The following HAPLN4 variants were observed in gnomAD, a reference collection of about 807,000 sequenced individuals.
HAPLN4 encodes brain link protein 2.
In HAPLN4, 19 loss-of-function variants were observed where a neutral mutation model predicts 28.0. The observed-to-expected ratio is 0.68, with a 90% CI of 0.47 to 1.00. The LOEUF is 1.00. Among genes scored for constraint, HAPLN4 ranks in the 50% least tolerant of loss-of-function variants. The probability of loss-of-function intolerance (pLI) is 0.00; values close to 1 mark genes in which losing one functional copy is unlikely to be tolerated. For missense variants in HAPLN4, 587 were observed against 602.6 expected (o/e 0.97, Z 0.27); for synonymous variants, 274 against 273.0 (o/e 1.00, Z -0.03).
At position 19,256,633 on chromosome 19, in the gene HAPLN4, G is replaced by C. The variant is rs1342471049; in HGVS notation, c.*1184C>G. 3.3e-5 allele frequency: 5 copies of C among 152,652 alleles called. No individual in the cohort carries two copies. The highest frequency in any genetic ancestry group is 9.7e-5 in the African/African-American group (4 of 41,422). The allele number at this position is 152,652 out of a possible 1,614,324, so 9.5% of individuals were successfully genotyped here. ...GGAGCATGGAGGGTGGTCTGGAACT[G>C]GAGTGGGCCTGGGGACAGGGACAGT... is the stretch of plus-strand genomic sequence containing the variant. On this transcript the variant is annotated 3_prime_UTR_variant, in exon 5 of 5. Transcript: ENST00000291481.
chr19:19,257,757 AG>A lies in HAPLN4; in HGVS notation c.*59del. 7.3e-7 allele frequency: 1 copy of A among 1,370,264 alleles called. No homozygotes were observed. The highest frequency in any genetic ancestry group is 9.4e-7 in the Non-Finnish European group (1 of 1,067,466). 84.9% of individuals were successfully genotyped at this position (1,370,264 alleles called of 1,614,324 possible). A position where few individuals can be genotyped will look rare whatever the true frequency, so the allele number is the denominator to read the frequency against. On this transcript the variant is annotated 3_prime_UTR_variant, in exon 5 of 5. Transcript: ENST00000291481. ...GGCTTCAAGGGCGTGGCCAGGCTCC[AG>A]GGGACCACAGGGCTCTAGACCAGTG...
chr19:19,262,668 G>T, intron 1 of HAPLN4, 62 bp downstream of exon 1: 3 of 1,570,584 alleles, frequency 1.9e-6, no homozygotes, highest in African/African-American at 1.3e-5. Context: ...GAGGCAGAGA[G>T]ATATAGAATC....
Position 19,261,130 on chromosome 19 carries a change from A to C in HAPLN4, c.167T>G (p.Val56Gly). 1 of 1,609,970 alleles carries C rather than the reference A, an allele frequency of 6.2e-7. No homozygotes were observed. Among genetic ancestry groups the C allele is most frequent in the Non-Finnish European group, 8.5e-7 (1 of 1,178,176 alleles). Residue 56 changes from valine to glycine, a missense_variant, in exon 3 of 5, where the codon GTG becomes GGG. By Grantham distance (109) the Val-to-Gly change is moderately radical. Transcript: ENST00000291481. ...GATGGTGCCACCACGGTGGCTTACC[A>C]CCTGCCCAGGCGCTGTCTGTACCAC... ...SVVVQTAPGQVVSHRGGTIVL... is the reference protein window; with the variant it reads ...SVVVQTAPGQGVSHRGGTIVL...
chr19:19,261,542 C>T lies in HAPLN4; in HGVS notation c.25G>A (p.Gly9Ser). The change falls in exon 2 of 5, where the codon GGT becomes AGT. Residue 9 changes from glycine (G) to serine (S), a missense_variant. By Grantham distance (56) the Gly-to-Ser change is moderately conservative (BLOSUM62 0). Transcript: ENST00000291481. MVCARAAL[G>S]PGALWAAAWG... The stretch of plus-strand genomic sequence containing the variant: ...GCCGCGGCCCAGAGCGCGCCGGGAC[C>T]GAGGGCCGCCCGAGCGCACACCTGG... The T allele has an allele frequency of 6.4e-7, 1 of 1,571,642 alleles. No homozygotes were observed. The highest frequency in any genetic ancestry group is 8.6e-7 in the Non-Finnish European group (1 of 1,161,002).
Position 19,261,270 on chromosome 19 carries a change from C to T in HAPLN4, c.122-95G>A, listed in dbSNP as rs534941011. On this transcript the variant is annotated intron_variant, in intron 2 of 4. Transcript: ENST00000291481. ...CTGGGGAGGGGAACGTGGGAAGACT[C>T]GGGTGGGGGTCGGGGAATCAGAAGG... 40 of 1,230,430 alleles carry T rather than the reference C, an allele frequency of 3.3e-5. No homozygotes were observed. The South Asian group carries it at 3.3e-4, about 10-fold the overall frequency. 76.2% of individuals were successfully genotyped at this position (1,230,430 alleles called of 1,614,324 possible).
chr19:19,257,761 G>T lies in HAPLN4; in HGVS notation c.*56C>A. The T allele has an allele frequency of 7.3e-7, 1 of 1,372,388 alleles. No individual in the cohort carries two copies. The highest frequency in any genetic ancestry group is 1.9e-5 in the South Asian group (1 of 51,782). 85.0% of individuals were successfully genotyped at this position (1,372,388 alleles called of 1,614,324 possible). A position where few individuals can be genotyped will look rare whatever the true frequency, so the allele number is the denominator to read the frequency against. On this transcript the variant is annotated 3_prime_UTR_variant, in exon 5 of 5. Transcript: ENST00000291481. ...TCAAGGGCGTGGCCAGGCTCCAGGG[G>T]ACCACAGGGCTCTAGACCAGTGGTC...
Position 19,258,042 on chromosome 19 carries a change from C to T in HAPLN4, c.984G>A (p.Ala328=). The T allele has an allele frequency of 6.5e-7, 1 of 1,546,662 alleles. No homozygotes were observed. Among genetic ancestry groups the T allele is most frequent in the South Asian group, 1.2e-5 (1 of 85,294 alleles). ...CTCGCGGGTTCACGATGGGGTAGCGCGCACTGCCATCGGCCAGCCAACCCG... is the reference window on the plus strand; with the variant it reads ...CTCGCGGGTTCACGATGGGGTAGCGTGCACTGCCATCGGCCAGCCAACCCG... ...CTAGWLADGS[A]RYPIVNPRAR... Residue 328 remains alanine (A), a synonymous_variant, in exon 5 of 5, where the codon GCG becomes GCA. Coordinates refer to ENST00000291481, the MANE Select transcript of HAPLN4 (RefSeq NM_023002.3). This position sits in a 1 kb window ranked among gnomAD's most constrained non-coding sequence, Gnocchi z 6.2.
chr19:19,258,658 C>A lies in HAPLN4; in HGVS notation c.682G>T (p.Glu228Ter). The A allele has an allele frequency of 6.2e-7, 1 of 1,610,672 alleles. No individual in the cohort carries two copies. The highest frequency in any genetic ancestry group is 8.5e-7 in the Non-Finnish European group (1 of 1,178,594). ...GTCCCCCCCAGGCCGCCGCAGGGCT[C>A]CCGGGGCCGGTTCACGGGGTATTGC... is the stretch of plus-strand genomic sequence containing the variant. ...SVQYPVNRPR[E>*]PCGGLGGTGS... The change falls in exon 4 of 5, where the codon GAG (glutamate) becomes TAG (stop). Residue 228 changes from glutamate (E) to a stop codon, truncating the protein, a stop_gained. Transcript: ENST00000291481. LOFTEE classifies it high-confidence loss of function. This position sits in a 1 kb window ranked among gnomAD's most constrained non-coding sequence, Gnocchi z 6.2.
At chr19:19,262,643 A>T (rs952674749) in intron 1 of HAPLN4, 87 bp downstream of exon 1, 19 of 1,437,808 alleles carry the variant, frequency 1.3e-5, no homozygotes, top group Non-Finnish European at 1.8e-5. Context: ...AGAAACTCAG[A>T]GGGATATAGA....
In HAPLN4 at chr19:19,262,772, C is replaced by A. The variant is rs1479039881; in HGVS notation, c.-40G>T. The stretch of plus-strand genomic sequence containing the variant: ...CCCCGCCGAGCGGCCCCTACGCACC[C>A]GGACTGCGCTCCCCGCACACCCGGT... On this transcript the variant is annotated 5_prime_UTR_variant, in exon 1 of 5. Transcript: ENST00000291481. 1.2e-6 allele frequency: 2 copies of A among 1,604,256 alleles called. No homozygotes were observed. Among genetic ancestry groups the A allele is most frequent in the East Asian group, 2.2e-5 (1 of 44,684 alleles).
Position 19,254,986 on chromosome 19 carries a change from TCCTCAGCCCCTGC to T in HAPLN4, c.*2818_*2830del, listed in dbSNP as rs547644168. On this transcript the variant is annotated 3_prime_UTR_variant, in exon 5 of 5. Transcript: ENST00000291481. ...TTGTATCCTAGAAACTTCCAGTGCTTCCTCAGCCCCTGCCCTCAGCCCACATATTCATGTCAGG... is the reference window on the plus strand; with the variant it reads ...TTGTATCCTAGAAACTTCCAGTGCTTCCTCAGCCCACATATTCATGTCAGG... 0.013 allele frequency: 1,913 copies of T among 152,344 alleles called. 22 individuals carry two copies. Among genetic ancestry groups the T allele is most frequent in the Middle Eastern group, 0.037 (11 of 294 alleles). 9.4% of individuals were successfully genotyped at this position (152,344 alleles called of 1,614,324 possible). A position where few individuals can be genotyped will look rare whatever the true frequency, so the allele number is the denominator to read the frequency against.
intron 1 of HAPLN4, 83 bp from the exon 2 acceptor site, chr19:19,261,646 C>T: frequency 1.1e-6 from 1 of 921,454 alleles, no homozygotes; most frequent in Non-Finnish European, 1.5e-6. Flanking sequence ...GCCTGCCTTC[C>T]CCACAGCGAG....
At chr19:19,260,751 T>C (rs2060979883) in intron 3 of HAPLN4, 62 bp downstream of exon 3, 3 of 1,559,044 alleles carry the variant, frequency 1.9e-6, no homozygotes, top group Non-Finnish European at 2.6e-6. Flanking sequence ...TTTATGTCCC[T>C]TGCCATCCCC....
In HAPLN4 at chr19:19,261,531, C is replaced by A; in HGVS notation, c.36G>T (p.Ala12=). ...VCARAALGPG[A]LWAAAWGVLL... Reference sequence around the variant, plus strand: ...GGACGCCCCAGGCCGCGGCCCAGAGCGCGCCGGGACCGAGGGCCGCCCGAG... The same window carrying A: ...GGACGCCCCAGGCCGCGGCCCAGAGAGCGCCGGGACCGAGGGCCGCCCGAG... The change falls in exon 2 of 5, where the codon GCG becomes GCT. Residue 12 remains alanine (A), a synonymous_variant. Transcript: ENST00000291481. 1 of 1,598,280 alleles carries A rather than the reference C, an allele frequency of 6.3e-7. No individual in the cohort carries two copies. Among genetic ancestry groups the A allele is most frequent in the South Asian group, 1.1e-5 (1 of 89,746 alleles).
chr19:19,260,459 C>T (rs1264473526), intron 3 of HAPLN4, among the ~76,000 whole-genome samples: 2 of 152,132 alleles, frequency 1.3e-5, no homozygotes, highest in East Asian at 3.9e-4. Flanking sequence ...TCAGGTGATC[C>T]GCCTGCCTCA....
intron 1 of HAPLN4, among the ~76,000 whole-genome samples, chr19:19,262,482 G>C (rs886779661): frequency 1.3e-5 from 2 of 151,692 alleles, no homozygotes; most frequent in African/African-American, 4.8e-5. Context: ...GAGAGATAGG[G>C]ACAGGGAAAG....
At chr19:19,261,343 G>C in intron 2 of HAPLN4, 103 bp downstream of exon 2, 1 of 1,270,440 alleles carries the variant, frequency 7.9e-7, no homozygotes, top group Non-Finnish European at 1.1e-6. Context: ...GGGAGTGGCT[G>C]GGGGAACCGC....
chr19:19,260,988 G>T lies in HAPLN4; in HGVS notation c.309C>A (p.Gly103=), dbSNP rs1294673815. The T allele has an allele frequency of 1.2e-6, 2 of 1,613,744 alleles. No individual in the cohort carries two copies. The highest frequency in any genetic ancestry group is 1.3e-5 in the African/African-American group (1 of 75,068). Residue 103 remains glycine (G), a synonymous_variant, in exon 3 of 5, where the codon GGC becomes GGA. Transcript: ENST00000291481. ...AGCTGCCGAATGCCCGGTGCTGGGG[G>T]CCTAGTGCCACGAAGACGTCGGTGA... ...LAFTDVFVAL[G]PQHRAFGSYR...
Position 19,262,787 on chromosome 19 carries a change from G to GCACAC in HAPLN4, c.-60_-56dup. 1 of 1,591,550 alleles carries GCACAC rather than the reference G, an allele frequency of 6.3e-7. No homozygotes were observed. Among genetic ancestry groups the GCACAC allele is most frequent in the Non-Finnish European group, 8.6e-7 (1 of 1,167,724 alleles). On this transcript the variant is annotated 5_prime_UTR_variant, in exon 1 of 5. Coordinates refer to ENST00000291481, the MANE Select transcript of HAPLN4 (RefSeq NM_023002.3). Reference sequence around the variant, plus strand: ...CCTACGCACCCGGACTGCGCTCCCCGCACACCCGGTTAAGACTGGGCAGGT... The same window carrying GCACAC: ...CCTACGCACCCGGACTGCGCTCCCCGCACACCACACCCGGTTAAGACTGGGCAGGT...
Sources: gnomAD v4.1 joint callset for allele counts (sites outside exome capture counted in the v4.1 genomes callset) on GRCh38, gnomAD v4.1.1 for gene constraint, Gnocchi (gnomAD v3.1) non-coding constraint, MANE v1.5 for transcripts, NCBI Gene and HGNC (gene_info 2026-07-23, HGNC 2026-07-21) for gene names.